STX17: variants seen among roughly 807,000 people sequenced by gnomAD.
The protein encoded by STX17 is syntaxin-17.
STX17 carries 29 observed loss-of-function variants against 35.9 expected under a neutral mutation model. The observed-to-expected ratio is 0.81, with a 90% CI of 0.60 to 1.10. STX17 has a LOEUF of 1.10. STX17 is among the 50% of genes least tolerant of loss of function. The pLI is 0.00. For missense variants in STX17, 312 were observed against 352.3 expected, an observed-to-expected ratio of 0.89 and a Z score of 0.92; for synonymous variants, 92 against 118.3, an observed-to-expected ratio of 0.78 and a Z score of 1.44.
intron 1 of STX17, among the ~76,000 whole-genome samples, chr9:99,913,647 T>G (rs1277395788): frequency 6.6e-6 from 1 of 152,216 alleles, no homozygotes; most frequent in Non-Finnish European, 1.5e-5. Context: ...TGAATTTTCC[T>G]GTTTTGTTGG....
At chr9:99,965,706 T>C (rs769814685) in intron 6 of STX17, among the ~76,000 whole-genome samples, 2 of 152,202 alleles carry the variant, frequency 1.3e-5, no homozygotes, top group Non-Finnish European at 2.9e-5. Flanking sequence ...ATTGAATGAT[T>C]GAATGAATGC....
Position 99,968,721 on chromosome 9 carries a change from C to G in STX17, c.*48C>G, listed in dbSNP as rs761399692. 1.0e-5 allele frequency: 16 copies of G among 1,579,660 alleles called. No homozygotes were observed. The highest frequency in any genetic ancestry group is 1.2e-5 in the Non-Finnish European group (14 of 1,162,986). ...GTGCCAACATGTCTATCCTGAGGAC[C>G]TTTGCTGCTGTTGGACACTCCGTCA... On this transcript the variant is annotated 3_prime_UTR_variant, in exon 8 of 8. Transcript: ENST00000259400.
chr9:99,927,485 A>T (rs972517880), intron 2 of STX17, among the ~76,000 whole-genome samples: 1 of 151,824 alleles, frequency 6.6e-6, no homozygotes, highest in East Asian at 1.9e-4. Context: ...TTATTTATTT[A>T]TTTTTTGAGA....
chr9:99,963,309 C>G (rs1040561516), intron 6 of STX17, among the ~76,000 whole-genome samples: 4 of 152,116 alleles, frequency 2.6e-5, no homozygotes, highest in South Asian at 2.1e-4. Context: ...AGCCCTATTT[C>G]TAGTCAAGGA....
At chr9:99,944,638 C>T (rs920052191) in intron 3 of STX17, among the ~76,000 whole-genome samples, 3 of 151,898 alleles carry the variant, frequency 2.0e-5, no homozygotes, top group African/African-American at 4.8e-5. Flanking sequence ...CCTCAGCCTC[C>T]CGAGTAGCTG....
At chr9:99,940,148 G>T (rs1052383357) in intron 3 of STX17, among the ~76,000 whole-genome samples, 24 of 151,594 alleles carry the variant, frequency 1.6e-4, no homozygotes, top group Admixed American at 4.6e-4. Flanking sequence ...TTTATTTTTT[G>T]AGAGGCAGTC....
chr9:99,912,207 C>G lies in STX17; in HGVS notation c.-62-2971C>G, dbSNP rs1297877948. Among the ~76,000 whole-genome samples, 3 of 146,284 alleles carry G rather than the reference C, an allele frequency of 2.1e-5. No homozygotes were observed. The East Asian group carries it at 6.1e-4, about 30-fold the overall frequency. On this transcript the variant is annotated intron_variant, in intron 1 of 7. Transcript: ENST00000259400. ...TGCCACTGCACTCCAGCCTGGGTGA[C>G]AAGAGCGAAAATCTATCTAAAAAGA...
chr9:99,949,423 A>G (rs1829548282), intron 3 of STX17, among the ~76,000 whole-genome samples: 1 of 152,000 alleles, frequency 6.6e-6, no homozygotes, highest in African/African-American at 2.4e-5. Flanking sequence ...TTTAGATTGT[A>G]TTATATTAAG....
At chr9:99,954,722 A>G (rs778120147) in intron 4 of STX17, among the ~76,000 whole-genome samples, 1 of 152,100 alleles carries the variant, frequency 6.6e-6, no homozygotes, top group Non-Finnish European at 1.5e-5. Context: ...TACAAATTCA[A>G]TCTGATTCTA....
intron 1 of STX17, among the ~76,000 whole-genome samples, chr9:99,911,510 G>T (rs1828664144): frequency 2.0e-5 from 3 of 152,010 alleles, no homozygotes. Flanking sequence ...TTTTCCTTTG[G>T]ATAAATACCC....
At chr9:99,965,342 C>G (rs1316384084) in intron 6 of STX17, among the ~76,000 whole-genome samples, 1 of 152,152 alleles carries the variant, frequency 6.6e-6, no homozygotes, top group East Asian at 1.9e-4. Context: ...AAGTATTTCC[C>G]TGAGGCTTTA....
chr9:99,915,295 A>G lies in STX17; in HGVS notation c.56A>G (p.Lys19Arg), dbSNP rs909709060. Residue 19 changes from lysine (K) to arginine (R), a missense_variant, in exon 2 of 8, where the codon AAA becomes AGA. By Grantham distance (26) the Lys-to-Arg change is conservative (BLOSUM62 2). Transcript: ENST00000259400. ...KLRRLEPAIQ[K>R]FIKIVIPTDL... ...CGCCGTCTTGAACCAGCTATCCAGA[A>G]ATTCATTAAGATAGTAATCCCAACA... is the stretch of plus-strand genomic sequence containing the variant. The G allele has an allele frequency of 9.3e-6, 15 of 1,612,906 alleles. No individual in the cohort carries two copies. Among genetic ancestry groups the G allele is most frequent in the Non-Finnish European group, 1.3e-5 (15 of 1,179,548 alleles).
intron 3 of STX17, among the ~76,000 whole-genome samples, chr9:99,944,705 G>A (rs1032765273): frequency 2.6e-5 from 4 of 151,960 alleles, no homozygotes; most frequent in Admixed American, 2.6e-4. Flanking sequence ...TAGTAGAGAT[G>A]GGGTTTCGCC....
At chr9:99,935,933 G>T (rs1377926252) in intron 3 of STX17, among the ~76,000 whole-genome samples, 1 of 152,178 alleles carries the variant, frequency 6.6e-6, no homozygotes, top group African/African-American at 2.4e-5. Flanking sequence ...GAGTACAGGA[G>T]ATGAAGTCAA....
In STX17 at chr9:99,936,523, T is replaced by C. The variant is rs187411064; in HGVS notation, c.189+7680T>C. On this transcript the variant is annotated intron_variant, in intron 3 of 7. Transcript: ENST00000259400. The stretch of plus-strand genomic sequence containing the variant: ...TTCTCTTTGATTTTATAACTAAATG[T>C]TATAACTGCTTATGGCTTTTTTCCT... 2.0e-5 allele frequency among the ~76,000 whole-genome samples: 3 copies of C among 152,322 alleles called. No homozygotes were observed. The East Asian group carries it at 5.8e-4, about 29-fold the overall frequency.
chr9:99,954,557 A>G (rs919512433), intron 4 of STX17, among the ~76,000 whole-genome samples: 5 of 152,208 alleles, frequency 3.3e-5, no homozygotes, highest in Admixed American at 2.6e-4. Context: ...TTGGTCTTCT[A>G]GCTGTAGACT....
intron 3 of STX17, among the ~76,000 whole-genome samples, chr9:99,943,227 G>A (rs1215676288): frequency 2.0e-5 from 3 of 152,078 alleles, no homozygotes; most frequent in Non-Finnish European, 2.9e-5. Flanking sequence ...TCCGCCTCCT[G>A]GATTCAAGTG....
chr9:99,941,848 A>G (rs1829370253), intron 3 of STX17, among the ~76,000 whole-genome samples: 1 of 152,158 alleles, frequency 6.6e-6, no homozygotes, highest in Non-Finnish European at 1.5e-5. Context: ...ATTGCTGTAT[A>G]TATTCTATTT....
chr9:99,948,311 G>A (rs1717543394), intron 3 of STX17, among the ~76,000 whole-genome samples: 1 of 151,798 alleles, frequency 6.6e-6, no homozygotes, highest in Admixed American at 6.6e-5. Context: ...TATTAAAATA[G>A]TATTTTAGCT....
Sources: allele counts gnomAD v4.1 joint callset (sites outside exome capture counted in the v4.1 genomes callset), GRCh38; gene constraint gnomAD v4.1.1; transcripts MANE v1.5; gene names NCBI Gene and HGNC (gene_info 2026-07-23, HGNC 2026-07-21).